Variants in CFAP54 observed in about 807,000 individuals in gnomAD.
CFAP54 encodes cilia- and flagella-associated protein 54.
Under a neutral mutation model 370.4 loss-of-function variants are expected in CFAP54, and 290 were observed. That is an observed-to-expected ratio of 0.78 (90% confidence interval 0.71 to 0.86). CFAP54 has a LOEUF of 0.86. Ranked by LOEUF, CFAP54 falls within the 40% of genes least tolerant of loss-of-function variation. CFAP54 has a pLI of 0.00. For synonymous variants in CFAP54, 1,206 were observed against 1,236.5 expected (o/e 0.98, Z 0.52); for missense variants, 3,399 against 3,528.7 (o/e 0.96, Z 0.93).
chr12:96,577,460 A>T (rs1052719903), intron 20 of CFAP54, among the ~76,000 whole-genome samples: 11 of 152,174 alleles, frequency 7.2e-5, no homozygotes, highest in Admixed American at 7.2e-4. Flanking sequence ...TTGATGTTAC[A>T]TAAAAATAAA....
intron 5 of CFAP54, among the ~76,000 whole-genome samples, chr12:96,516,229 A>G (rs939532827): frequency 7.9e-5 from 12 of 152,032 alleles, no homozygotes; most frequent in Non-Finnish European, 1.8e-4. Context: ...CCTCTATCTT[A>G]TATAATAGAT....
intron 48 of CFAP54, among the ~76,000 whole-genome samples, chr12:96,714,462 C>T (rs10860070): frequency 0.77 from 117,658 of 152,086 alleles, 46,536 homozygotes; most frequent in African/African-American, 0.93. Flanking sequence ...GCAATGAGTT[C>T]AGATGGAGAA....
chr12:96,621,875 G>GTTTGTTTTTTTTTTTTTTTT (rs1956496257), intron 27 of CFAP54, among the ~76,000 whole-genome samples, 154 bp downstream of exon 27: 630 of 50,120 alleles, frequency 0.013, 58 homozygotes, highest in Middle Eastern at 0.026. Context: ...TTTTGGGTTT[G>GTTTGTTTTTTTTTTTTTTTT]TTTTTTTTTT....
chr12:96,751,538 A>C (rs1196160678), intron 55 of CFAP54, among the ~76,000 whole-genome samples: 1 of 152,140 alleles, frequency 6.6e-6, no homozygotes, highest in Non-Finnish European at 1.5e-5. Flanking sequence ...TGGCATGATG[A>C]CATGAAGTAT....
At chr12:96,561,542 T>A (rs1332413845) in intron 17 of CFAP54, among the ~76,000 whole-genome samples, 2 of 152,100 alleles carry the variant, frequency 1.3e-5, no homozygotes, top group African/African-American at 4.8e-5. Flanking sequence ...TCTTGACCTA[T>A]CTTTTGCTTT....
At chr12:96,756,696 C>T (rs1471232813) in intron 57 of CFAP54, 133 bp downstream of exon 57, 6 of 650,468 alleles carry the variant, frequency 9.2e-6, no homozygotes, top group African/African-American at 1.9e-5. Context: ...GGGTCCATCT[C>T]AAGCTTGTTG....
intron 26 of CFAP54, among the ~76,000 whole-genome samples, chr12:96,603,360 C>A (rs1049500457): frequency 1.3e-5 from 2 of 152,088 alleles, no homozygotes; most frequent in African/African-American, 4.8e-5. Context: ...TGTGGGTAAC[C>A]CTACCTTTCT....
At chr12:96,777,392 G>A (rs1039704318) in intron 60 of CFAP54, among the ~76,000 whole-genome samples, 1 of 150,946 alleles carries the variant, frequency 6.6e-6, no homozygotes, top group African/African-American at 2.4e-5. Flanking sequence ...TGTTGCCCAG[G>A]CTGCTGGAGT....
intron 39 of CFAP54, among the ~76,000 whole-genome samples, chr12:96,664,773 A>G (rs1332557577): frequency 3.0e-4 from 6 of 20,310 alleles, no homozygotes; most frequent in Admixed American, 2.4e-3. Context: ...ATCTATATCT[A>G]TATCTATATA....
At chr12:96,576,475 A>T in intron 19 of CFAP54, 110 bp from the exon 20 acceptor site, 1 of 892,682 alleles carries the variant, frequency 1.1e-6, no homozygotes. Flanking sequence ...CTGAGGCTTG[A>T]AAAACTGCAT....
At chr12:96,591,665 G>A (rs1350074874) in intron 23 of CFAP54, among the ~76,000 whole-genome samples, 4 of 151,978 alleles carry the variant, frequency 2.6e-5, no homozygotes, top group African/African-American at 4.8e-5. Flanking sequence ...CGAGACGGGC[G>A]GATCACGAGG....
At position 96,650,121 on chromosome 12, in the gene CFAP54, C is replaced by T. The variant is rs759270800; in HGVS notation, c.4872+49C>T. The T allele has an allele frequency of 2.7e-6, 4 of 1,480,044 alleles. No homozygotes were observed. In the Admixed American group the frequency reaches 6.7e-5, roughly 25 times the overall value. The allele number at this position is 1,480,044 out of a possible 1,614,324, so 91.7% of individuals were successfully genotyped here. ...AGTGTAGTAGACATAAATTTCAGCC[C>T]ACCAACTTGGGCGTTTAAGATACAT... On this transcript the variant is annotated intron_variant, in intron 35 of 67. Transcript: ENST00000524981.
At chr12:96,501,629 A>G (rs956578820) in intron 2 of CFAP54, among the ~76,000 whole-genome samples, 1 of 152,130 alleles carries the variant, frequency 6.6e-6, no homozygotes, top group Non-Finnish European at 1.5e-5. Context: ...AGATTATTCT[A>G]AGTTATGTGA....
intron 39 of CFAP54, among the ~76,000 whole-genome samples, chr12:96,674,220 C>T (rs1743833633): frequency 6.6e-6 from 1 of 152,234 alleles, no homozygotes; most frequent in Middle Eastern, 3.4e-3. Flanking sequence ...GTGTAGGAAG[C>T]AGCCCAAATT....
At chr12:96,826,847 T>C (rs1959117924) in intron 65 of CFAP54, among the ~76,000 whole-genome samples, 1 of 115,104 alleles carries the variant, frequency 8.7e-6, no homozygotes, top group South Asian at 2.4e-4. Flanking sequence ...CATATAATAT[T>C]ATATAATATA....
At chr12:96,578,192 A>C (rs1056054199) in intron 20 of CFAP54, among the ~76,000 whole-genome samples, 19 of 152,264 alleles carry the variant, frequency 1.2e-4, no homozygotes, top group Non-Finnish European at 2.1e-4. Flanking sequence ...ATTGAGGTAT[A>C]AAGATAAATA....
At chr12:96,804,111 G>A (rs1404584629) in intron 63 of CFAP54, among the ~76,000 whole-genome samples, 1 of 152,028 alleles carries the variant, frequency 6.6e-6, no homozygotes, top group Non-Finnish European at 1.5e-5. Flanking sequence ...GAAAGCTTTA[G>A]TGACACACTA....
intron 36 of CFAP54, among the ~76,000 whole-genome samples, chr12:96,655,868 ATTTCT>A (rs1956916496): frequency 6.6e-6 from 1 of 152,090 alleles, no homozygotes; most frequent in Non-Finnish European, 1.5e-5. Context: ...ATTTCTGCTA[ATTTCT>A]TTTTTTTAGG....
At chr12:96,718,943 CAGGAGAAT>C (rs371727885) in intron 49 of CFAP54, among the ~76,000 whole-genome samples, 49 of 151,972 alleles carry the variant, frequency 3.2e-4, no homozygotes, top group African/African-American at 1.1e-3. Context: ...GAGGCTGAGG[CAGGAGAAT>C]CGCTTGAACC....
Sources: allele counts gnomAD v4.1 joint callset (sites outside exome capture counted in the v4.1 genomes callset), GRCh38; gene constraint gnomAD v4.1.1; transcripts MANE v1.5; gene names NCBI Gene and HGNC (gene_info 2026-07-23, HGNC 2026-07-21).